Variants in TBCD observed in about 807,000 individuals in gnomAD.
The protein encoded by TBCD is tubulin-specific chaperone D.
Under a neutral mutation model 169.3 loss-of-function variants are expected in TBCD, and 105 were observed. The observed-to-expected ratio is 0.62, with a 90% CI of 0.53 to 0.73. The LOEUF is 0.73. Among genes scored for constraint, TBCD ranks in the 30% least tolerant of loss-of-function variants. The pLI is 0.00. For missense variants in TBCD, 1,444 were observed against 1,600.1 expected (o/e 0.90, Z 1.66); for synonymous variants, 700 against 643.9 (o/e 1.09, Z -1.32).
intron 13 of TBCD, among the ~76,000 whole-genome samples, chr17:82,857,157 C>G (rs1010421164): frequency 5.9e-5 from 9 of 152,218 alleles, no homozygotes; most frequent in Non-Finnish European, 5.9e-5. Flanking sequence ...TAATCAGCCT[C>G]GTAGGTGTGA....
chr17:82,799,462 A>AAAAAAAAAAAAAC (rs1342432097), intron 8 of TBCD, among the ~76,000 whole-genome samples: 2 of 151,144 alleles, frequency 1.3e-5, no homozygotes, highest in African/African-American at 2.4e-5. Context: ...AAAAAAAAAA[A>AAAAAAAAAAAAAC]AGAAACTATC....
intron 13 of TBCD, among the ~76,000 whole-genome samples, chr17:82,823,185 G>A (rs2052553420): frequency 6.6e-6 from 1 of 152,184 alleles, no homozygotes; most frequent in East Asian, 1.9e-4. Context: ...GCCGAGGCTG[G>A]CTCAGGCTCT....
At chr17:82,863,691 G>C (rs1286862340) in intron 13 of TBCD, among the ~76,000 whole-genome samples, 1 of 152,128 alleles carries the variant, frequency 6.6e-6, no homozygotes, top group East Asian at 1.9e-4. Flanking sequence ...GGAACTGGGC[G>C]CCTTCCCTGG....
rs999357761 is a variant in TBCD at position 82,859,876 on chromosome 17, G to T, written c.1319-10348G>T. On this transcript the variant is annotated intron_variant, in intron 13 of 38. Transcript: ENST00000355528. Reference sequence around the variant, plus strand: ...GAAAGAAAACCCTTGAGATAACTGGGTTGGAGACAGGGAGCAGGCTTGTCA... The same window carrying T: ...GAAAGAAAACCCTTGAGATAACTGGTTTGGAGACAGGGAGCAGGCTTGTCA... 1.1e-4 allele frequency: 109 copies of T among 985,448 alleles called. No individual in the cohort carries two copies. In the Middle Eastern group the frequency reaches 2.1e-3, roughly 19 times the overall value. 61.0% of individuals were successfully genotyped at this position (985,448 alleles called of 1,614,324 possible).
chr17:82,855,310 G>A (rs2056179415), intron 13 of TBCD, among the ~76,000 whole-genome samples: 1 of 140,044 alleles, frequency 7.1e-6, no homozygotes, highest in Non-Finnish European at 1.5e-5. Flanking sequence ...GCTCACGCTG[G>A]AGTGAGTGCC....
At position 82,898,909 on chromosome 17, in the gene TBCD, C is replaced by T. The variant is rs138318634; in HGVS notation, c.1650-1742C>T. 1.4e-3 allele frequency among the ~76,000 whole-genome samples: 158 copies of T among 110,258 alleles called. 3 individuals carry two copies. The East Asian group carries it at 0.039, about 27-fold the overall frequency. The allele number at this position is 110,258 out of a possible 152,430, so 72.3% of individuals were successfully genotyped here. The stretch of plus-strand genomic sequence containing the variant: ...GAGGGGCTGACAGTGTGTCCACCTG[C>T]GTCACCTGCATCTTCCTTGGGAGTG... On this transcript the variant is annotated intron_variant, in intron 17 of 38. Transcript: ENST00000355528.
chr17:82,926,249 A>C (rs2004708), intron 27 of TBCD, 151 bp from the exon 28 acceptor site: 2 of 672,382 alleles, frequency 3.0e-6, no homozygotes, highest in Non-Finnish European at 5.2e-6. Context: ...GGGTTGTACC[A>C]GGGGCCATGG....
chr17:82,942,527 C>T lies in TBCD; in HGVS notation c.*64C>T, dbSNP rs2292967. On this transcript the variant is annotated 3_prime_UTR_variant, in exon 39 of 39. Coordinates refer to ENST00000355528, the MANE Select transcript of TBCD (RefSeq NM_005993.5). ...AGGATGTCTTGTTCCTGAGGGAGGC[C>T]GGTGTGGAAAGCCTCGCACAGTGGT... 7.7e-4 allele frequency: 1,243 copies of T among 1,611,384 alleles called. 3 individuals carry two copies. In the East Asian group the frequency reaches 0.013, roughly 17 times the overall value.
chr17:82,828,771 A>T (rs1207608992), intron 13 of TBCD, among the ~76,000 whole-genome samples: 1 of 151,536 alleles, frequency 6.6e-6, no homozygotes, highest in Non-Finnish European at 1.5e-5. Context: ...ACATCTAATC[A>T]GATGTGCACC....
In TBCD at chr17:82,852,865, G is replaced by A. The variant is rs557952303; in HGVS notation, c.1319-17359G>A. ...TGTGTGGATGTGGTTTTTGTCTTGG[G>A]TATAGGCCTGGGCTTGGAGCATAGG... On this transcript the variant is annotated intron_variant, in intron 13 of 38. Transcript: ENST00000355528. Among the ~76,000 whole-genome samples, 14 of 152,284 alleles carry A rather than the reference G, an allele frequency of 9.2e-5. No homozygotes were observed. The South Asian group carries it at 2.9e-3, about 32-fold the overall frequency.
chr17:82,926,303 T>G, intron 27 of TBCD, 97 bp from the exon 28 acceptor site: 1 of 1,126,096 alleles, frequency 8.9e-7, no homozygotes, highest in Non-Finnish European at 1.3e-6. Context: ...TATCTCATGG[T>G]GTGGGGTCTG....
chr17:82,899,336 T>G lies in TBCD; in HGVS notation c.1650-1315T>G, dbSNP rs576869214. On this transcript the variant is annotated intron_variant, in intron 17 of 38. Transcript: ENST00000355528. ...TGTCCTCAGCGCGCGCGTCCTCAGC[T>G]CGTGTCCTCAGTGCGTGTCCGCAGT... 4.8e-5 allele frequency among the ~76,000 whole-genome samples: 7 copies of G among 146,376 alleles called. 1 individual carries two copies. The South Asian group carries it at 1.3e-3, about 28-fold the overall frequency.
intron 12 of TBCD, among the ~76,000 whole-genome samples, chr17:82,810,813 A>G (rs1238530325): frequency 6.6e-6 from 1 of 152,206 alleles, no homozygotes; most frequent in South Asian, 2.1e-4. Flanking sequence ...TGGAGGCTCC[A>G]GTTCGCGTTG....
chr17:82,764,178 G>A, intron 3 of TBCD, 116 bp downstream of exon 3: 3 of 817,062 alleles, frequency 3.7e-6, no homozygotes, highest in Non-Finnish European at 5.8e-6. Flanking sequence ...ACAAGTTGTG[G>A]GTTTAATTCT....
chr17:82,847,925 G>T (rs1198226314), intron 13 of TBCD, among the ~76,000 whole-genome samples: 1 of 152,152 alleles, frequency 6.6e-6, no homozygotes, highest in South Asian at 2.1e-4. Context: ...CCACCGGGCC[G>T]GGCCCACGAT....
chr17:82,905,166 C>G (rs2060151522), intron 19 of TBCD, among the ~76,000 whole-genome samples: 1 of 152,222 alleles, frequency 6.6e-6, no homozygotes, highest in Non-Finnish European at 1.5e-5. Flanking sequence ...GCAGCCCTGC[C>G]TCTGTCCTGC....
In TBCD at chr17:82,763,772, C is replaced by G. The variant is rs7209909; in HGVS notation, c.236-193C>G. Among the ~76,000 whole-genome samples the G allele has an allele frequency of 0.35, 52,406 of 151,858 alleles. 9,478 individuals are homozygous for G. The highest frequency in any genetic ancestry group is 0.4 in the Middle Eastern group (118 of 294). ...AAAGAAAAAAAAGAGACGGGTTTTG[C>G]TCTGTTGCCCAGGCTGGAGTGCAAT... On this transcript the variant is annotated intron_variant, in intron 2 of 38. Coordinates refer to ENST00000355528, the MANE Select transcript of TBCD (RefSeq NM_005993.5).
rs1429020655 is a variant in TBCD, at chr17:82,855,519, C to A, written c.1319-14705C>A. Among the ~76,000 whole-genome samples the A allele has an allele frequency of 9.9e-5, 15 of 152,000 alleles. No homozygotes were observed. The South Asian group carries it at 2.9e-3, about 29-fold the overall frequency. Reference sequence around the variant, plus strand: ...CTGGGCTCACGTGATCTACTCACCTCGGCCTCCTGAAGGGCTGGGATTACA... The same window carrying A: ...CTGGGCTCACGTGATCTACTCACCTAGGCCTCCTGAAGGGCTGGGATTACA... On this transcript the variant is annotated intron_variant, in intron 13 of 38. Coordinates refer to ENST00000355528, the MANE Select transcript of TBCD (RefSeq NM_005993.5).
intron 34 of TBCD, among the ~76,000 whole-genome samples, chr17:82,935,073 A>ATT (rs71168173): frequency 3.3e-5 from 5 of 151,188 alleles, no homozygotes; most frequent in South Asian, 2.1e-4. Context: ...CAAAAAAAAA[A>ATT]TTTTTTTTCC....
Sources: gnomAD v4.1 joint callset for allele counts (sites outside exome capture counted in the v4.1 genomes callset) on GRCh38, gnomAD v4.1.1 for gene constraint, MANE v1.5 for transcripts, NCBI Gene and HGNC (gene_info 2026-07-23, HGNC 2026-07-21) for gene names.